The following SKIC2 variants were observed in gnomAD, a reference collection of about 807,000 sequenced individuals.
SKIC2 encodes the protein SKI2 subunit of superkiller complex.
the SKIC2 span, chr6:31,964,150 G>A: frequency 6.2e-6 from 10 of 1,603,928 alleles, no homozygotes; most frequent in East Asian, 2.2e-5. This position sits in a 1 kb window ranked among gnomAD's most constrained non-coding sequence, Gnocchi z 5.0. Flanking sequence ...GTCTGTGTGC[G>A]TGCATGCACA....
chr6:31,961,232 G>GCTGT, the SKIC2 span: 1 of 1,613,922 alleles, frequency 6.2e-7, no homozygotes, highest in East Asian at 2.2e-5. Flanking sequence ...CTAAGCCTTA[G>GCTGT]CTGTATGTTG....
the SKIC2 span, chr6:31,967,701 C>T: frequency 1.2e-6 from 2 of 1,612,608 alleles, no homozygotes; most frequent in Admixed American, 1.7e-5. This position sits in a 1 kb window ranked among gnomAD's most constrained non-coding sequence, Gnocchi z 4.9. Flanking sequence ...CCTGGCCTCT[C>T]TGACCACCCC....
At chr6:31,959,913 C>T in the SKIC2 span, 1 of 867,036 alleles carries the variant, frequency 1.2e-6, no homozygotes, top group Non-Finnish European at 1.9e-6. Flanking sequence ...TTTGACACAT[C>T]TGCCATTTCT....
At chr6:31,966,670 C>A in the SKIC2 span, 10 of 1,611,986 alleles carry the variant, frequency 6.2e-6, no homozygotes, top group Middle Eastern at 6.6e-4. The surrounding 1 kb of genome is among the most constrained non-coding windows in gnomAD (Gnocchi z 5.9). Context: ...TTCAGTAGGT[C>A]CCACCCTGAT....
the SKIC2 span, chr6:31,969,602 C>G: frequency 2.5e-6 from 4 of 1,613,326 alleles, no homozygotes; most frequent in African/African-American, 4.0e-5. This position sits in a 1 kb window ranked among gnomAD's most constrained non-coding sequence, Gnocchi z 6.1. Flanking sequence ...GTGTCGCTCA[C>G]TGCGGGGGGC....
chr6:31,968,857 C>T, the SKIC2 span: 48 of 1,611,908 alleles, frequency 3.0e-5, no homozygotes, highest in Non-Finnish European at 4.0e-5. The surrounding 1 kb of genome is among the most constrained non-coding windows in gnomAD (Gnocchi z 6.1). Flanking sequence ...CAATGCCCAC[C>T]CTTTTTCTTG....
the SKIC2 span, chr6:31,961,953 C>T: frequency 1.2e-6 from 2 of 1,613,004 alleles, no homozygotes; most frequent in Admixed American, 1.7e-5. Flanking sequence ...CCATCCTGCA[C>T]TTGGAACGGC....
chr6:31,963,015 A>C, the SKIC2 span: 2 of 1,612,564 alleles, frequency 1.2e-6, no homozygotes, highest in Non-Finnish European at 1.7e-6. This position sits in a 1 kb window ranked among gnomAD's most constrained non-coding sequence, Gnocchi z 5.3. Flanking sequence ...GGTGCTTATC[A>C]TGCTACCTGA....
At chr6:31,960,066 G>GT in the SKIC2 span, 1 of 1,613,080 alleles carries the variant, frequency 6.2e-7, no homozygotes, top group Non-Finnish European at 8.5e-7. Flanking sequence ...CAGAACAGTT[G>GT]TTTCTGTCAT....
the SKIC2 span, chr6:31,965,825 C>T: frequency 1.2e-6 from 2 of 1,612,608 alleles, no homozygotes; most frequent in Non-Finnish European, 1.7e-6. This position sits in a 1 kb window ranked among gnomAD's most constrained non-coding sequence, Gnocchi z 5.6. Context: ...AGTAAACATG[C>T]CTGCTCGTAC....
At chr6:31,966,344 A>G in the SKIC2 span, among the ~76,000 whole-genome samples, 1 of 151,750 alleles carries the variant, frequency 6.6e-6, no homozygotes, top group Non-Finnish European at 1.5e-5. The surrounding 1 kb of genome is among the most constrained non-coding windows in gnomAD (Gnocchi z 5.9). Flanking sequence ...GGGCTCAAGC[A>G]GTCTGTCTGC....
At chr6:31,960,760 C>G in the SKIC2 span, 2 of 1,528,366 alleles carry the variant, frequency 1.3e-6, no homozygotes, top group Admixed American at 4.3e-5. Context: ...GGCTCTGAGT[C>G]TGAGCCTTGA....
At chr6:31,968,654 C>A in the SKIC2 span, 1 of 1,580,178 alleles carries the variant, frequency 6.3e-7, no homozygotes, top group Non-Finnish European at 8.7e-7. This position sits in a 1 kb window ranked among gnomAD's most constrained non-coding sequence, Gnocchi z 6.1. Context: ...TGCTAAGGGG[C>A]AAGGAGAAGG....
the SKIC2 span, chr6:31,959,412 T>C: frequency 5.7e-6 from 9 of 1,591,704 alleles, no homozygotes; most frequent in East Asian, 1.8e-4. Context: ...TGAGTGACTT[T>C]TGACCCTAAC....
the SKIC2 span, chr6:31,967,425 CCT>C: frequency 2.3e-4 from 332 of 1,440,028 alleles, no homozygotes; most frequent in African/African-American, 3.8e-3. This position sits in a 1 kb window ranked among gnomAD's most constrained non-coding sequence, Gnocchi z 4.9. Context: ...GGGAGCAAGC[CCT>C]CTCTCCATTT....
the SKIC2 span, chr6:31,967,641 G>T: frequency 6.5e-7 from 1 of 1,534,554 alleles, no homozygotes; most frequent in Non-Finnish European, 8.9e-7. This position sits in a 1 kb window ranked among gnomAD's most constrained non-coding sequence, Gnocchi z 4.9. Context: ...CCTGCCCAAG[G>T]GTGGGTATCT....
the SKIC2 span, chr6:31,959,194 T>C: frequency 7.5e-6 from 12 of 1,608,892 alleles, no homozygotes; most frequent in Non-Finnish European, 1.0e-5. Context: ...GGCTCCAGGA[T>C]GATGGAGACA....
chr6:31,964,590 C>T, the SKIC2 span, among the ~76,000 whole-genome samples: 1 of 152,136 alleles, frequency 6.6e-6, no homozygotes, highest in African/African-American at 2.4e-5. This position sits in a 1 kb window ranked among gnomAD's most constrained non-coding sequence, Gnocchi z 5.0. Flanking sequence ...GATATGAATA[C>T]GTAGGTCTCA....
the SKIC2 span, chr6:31,960,931 C>A: frequency 1.1e-6 from 1 of 947,502 alleles, no homozygotes; most frequent in Non-Finnish European, 1.7e-6. Context: ...TCATAGCAAA[C>A]ATCCCTATCT....
Sources: allele counts gnomAD v4.1 joint callset (sites outside exome capture counted in the v4.1 genomes callset), GRCh38; gene constraint gnomAD v4.1.1; non-coding constraint Gnocchi (gnomAD v3.1); transcripts MANE v1.5; gene names NCBI Gene and HGNC (gene_info 2026-07-23, HGNC 2026-07-21).